The following C6orf89 variants were observed in gnomAD, a reference collection of about 807,000 sequenced individuals.
C6orf89 encodes the protein bombesin receptor-activated protein C6orf89.
Under a neutral mutation model 40.7 loss-of-function variants are expected in C6orf89, and 29 were observed. That is an observed-to-expected ratio of 0.71 (90% CI 0.53 to 0.97). The LOEUF (loss-of-function observed/expected upper bound fraction) is 0.97, where lower values mean the gene tolerates loss of function less well. Ranked by LOEUF, C6orf89 falls within the 50% of genes least tolerant of loss-of-function variation. The pLI is 0.00. For synonymous variants in C6orf89, 165 were observed against 152.2 expected (o/e 1.08, Z -0.62); for missense variants, 392 against 429.1 (o/e 0.91, Z 0.76).
At chr6:36,899,703 A>G (rs188027817) in intron 3 of C6orf89, 70 bp downstream of exon 3, 450 of 1,441,154 alleles carry the variant, frequency 3.1e-4, no homozygotes, top group Admixed American at 8.3e-4. Flanking sequence ...CACAAATGCT[A>G]TTGTTGACTA....
At chr6:36,919,384 C>T (rs149540780) in intron 7 of C6orf89, among the ~76,000 whole-genome samples, 194 bp from the exon 8 acceptor site, 18 of 152,252 alleles carry the variant, frequency 1.2e-4, no homozygotes, top group Admixed American at 5.9e-4. Flanking sequence ...CCAAGAGATG[C>T]CATTCTTAGG....
chr6:36,891,151 AC>A (rs1761196208), intron 1 of C6orf89, among the ~76,000 whole-genome samples: 2 of 151,704 alleles, frequency 1.3e-5, no homozygotes, highest in South Asian at 4.2e-4. Flanking sequence ...CCACTCCCCT[AC>A]CCCACTACAG....
chr6:36,911,850 A>G (rs1762134321), intron 4 of C6orf89, among the ~76,000 whole-genome samples: 1 of 150,802 alleles, frequency 6.6e-6, no homozygotes, highest in East Asian at 1.9e-4. Context: ...TGTAGATTTC[A>G]TCTTCACTGC....
chr6:36,919,731 A>G (rs770087952), intron 8 of C6orf89, 30 bp downstream of exon 8: 1 of 1,553,332 alleles, frequency 6.4e-7, no homozygotes, highest in South Asian at 1.2e-5. Flanking sequence ...GGCAGGGTCA[A>G]TGGATCTTTT....
intron 8 of C6orf89, among the ~76,000 whole-genome samples, chr6:36,920,965 A>G (rs574376952): frequency 7.0e-4 from 101 of 144,408 alleles, no homozygotes; most frequent in Non-Finnish European, 8.9e-4. Flanking sequence ...CAATTACAGA[A>G]TTAGGGAAAA....
chr6:36,874,630 C>G (rs1561850840), intron 1 of C6orf89: 39 of 1,543,210 alleles, frequency 2.5e-5, no homozygotes, highest in Non-Finnish European at 3.3e-5. Context: ...GCCGGCCTCC[C>G]GGAGGAACGC....
chr6:36,886,784 T>C (rs1379858509), intron 1 of C6orf89, among the ~76,000 whole-genome samples: 1 of 152,248 alleles, frequency 6.6e-6, no homozygotes, highest in Admixed American at 6.5e-5. Flanking sequence ...GGATCTTCTA[T>C]AGACGTCTCT....
At chr6:36,899,295 T>C in intron 2 of C6orf89, 131 bp from the exon 3 acceptor site, 1 of 670,362 alleles carries the variant, frequency 1.5e-6, no homozygotes, top group Non-Finnish European at 2.6e-6. Context: ...TTCATGAAAG[T>C]ATTGGTCTGT....
At chr6:36,907,949 T>C (rs1761985082) in intron 4 of C6orf89, among the ~76,000 whole-genome samples, 1 of 152,122 alleles carries the variant, frequency 6.6e-6, no homozygotes, top group Non-Finnish European at 1.5e-5. Context: ...CTCCAGCCAG[T>C]TGTATAGAGA....
chr6:36,888,187 G>A (rs930471590), intron 1 of C6orf89, among the ~76,000 whole-genome samples: 6 of 152,202 alleles, frequency 3.9e-5, no homozygotes, highest in Admixed American at 2.0e-4. Context: ...GATGAGTAGT[G>A]TCTCATGGCC....
intron 6 of C6orf89, 65 bp from the exon 7 acceptor site, chr6:36,916,380 T>A (rs1171924275): frequency 6.3e-7 from 1 of 1,595,058 alleles, no homozygotes; most frequent in African/African-American, 1.3e-5. Flanking sequence ...CTTACTTGGC[T>A]CTCTCTTAGT....
intron 7 of C6orf89, among the ~76,000 whole-genome samples, chr6:36,918,812 G>C (rs1011490139): frequency 6.6e-6 from 1 of 152,176 alleles, no homozygotes; most frequent in African/African-American, 2.4e-5. Flanking sequence ...AGGGTTCACA[G>C]CTCCTTCCCT....
At position 36,914,170 on chromosome 6, in the gene C6orf89, A is replaced by C. The variant is rs889161086; in HGVS notation, c.404-114A>C. The C allele has an allele frequency of 3.0e-5, 31 of 1,022,210 alleles. No homozygotes were observed. In the South Asian group the frequency reaches 5.3e-4, roughly 18 times the overall value. 63.3% of individuals were successfully genotyped at this position (1,022,210 alleles called of 1,614,324 possible). A position where few individuals can be genotyped will look rare whatever the true frequency, so the allele number is the denominator to read the frequency against. On this transcript the variant is annotated intron_variant, in intron 4 of 8. Transcript: ENST00000480824. ...GTGAGACTCTGTCTCAAAATAAATA[A>C]ATAAATAAAAGTCATTATGATGTCT...
At chr6:36,901,472 C>T (rs1761711171) in intron 3 of C6orf89, among the ~76,000 whole-genome samples, 1 of 146,980 alleles carries the variant, frequency 6.8e-6, no homozygotes, top group Non-Finnish European at 1.5e-5. Flanking sequence ...GTAGCTGAGA[C>T]TACAGGCGCC....
intron 8 of C6orf89, among the ~76,000 whole-genome samples, chr6:36,920,130 A>T (rs548975024): frequency 2.2e-4 from 34 of 152,162 alleles, no homozygotes; most frequent in Non-Finnish European, 4.1e-4. Flanking sequence ...GACTACAGGA[A>T]TATATACCCA....
upstream of C6orf89, among the ~76,000 whole-genome samples, chr6:36,884,424 C>G (rs1047872730): frequency 6.6e-6 from 1 of 152,186 alleles, no homozygotes; most frequent in African/African-American, 2.4e-5. The surrounding 1 kb of genome is among the most constrained non-coding windows in gnomAD (Gnocchi z 4.0). Flanking sequence ...CAAACTCTTG[C>G]TATTATCCGC....
rs924576604 is a variant in C6orf89 at position 36,924,249 on chromosome 6, G to C, written c.*808G>C. On this transcript the variant is annotated 3_prime_UTR_variant, in exon 9 of 9. Coordinates refer to ENST00000480824, the MANE Select transcript of C6orf89 (RefSeq NM_001286635.2). The stretch of plus-strand genomic sequence containing the variant: ...CTACTGCTGAGGCAGCACTGCTCTC[G>C]TCAGCTGTGTTGCCTTTACCAAGTG... 1.3e-5 allele frequency: 2 copies of C among 153,088 alleles called. No individual in the cohort carries two copies. Among genetic ancestry groups the C allele is most frequent in the Non-Finnish European group, 2.9e-5 (2 of 68,700 alleles). The allele number at this position is 153,088 out of a possible 1,614,324, so 9.5% of individuals were successfully genotyped here.
At chr6:36,920,235 C>T (rs1202913957) in intron 8 of C6orf89, among the ~76,000 whole-genome samples, 1 of 152,208 alleles carries the variant, frequency 6.6e-6, no homozygotes, top group Non-Finnish European at 1.5e-5. Context: ...AAGTCACAGC[C>T]TCACATTGAT....
At chr6:36,909,386 T>C (rs1030209418) in intron 4 of C6orf89, among the ~76,000 whole-genome samples, 35 of 152,188 alleles carry the variant, frequency 2.3e-4, no homozygotes, top group Non-Finnish European at 2.9e-5. Flanking sequence ...TAACAGCATA[T>C]GTTGATCATT....
Sources: gnomAD v4.1 joint callset for allele counts (sites outside exome capture counted in the v4.1 genomes callset) on GRCh38, gnomAD v4.1.1 for gene constraint, Gnocchi (gnomAD v3.1) non-coding constraint, MANE v1.5 for transcripts, NCBI Gene and HGNC (gene_info 2026-07-23, HGNC 2026-07-21) for gene names.